Variants in NTRK3 observed in about 807,000 individuals in gnomAD.
NTRK3 encodes neurotrophic receptor tyrosine kinase 3.
Under a neutral mutation model 91.7 loss-of-function variants are expected in NTRK3, and 24 were observed. That is an observed-to-expected ratio of 0.26 (90% CI 0.19 to 0.37). The LOEUF is 0.37. Ranked by LOEUF, NTRK3 falls within the 10% of genes least tolerant of loss-of-function variation. The probability of loss-of-function intolerance (pLI) is 1.00; values close to 1 mark genes in which losing one functional copy is unlikely to be tolerated. For synonymous variants in NTRK3, 483 were observed against 404.0 expected, an observed-to-expected ratio of 1.20 and a Z score of -2.34; for missense variants, 880 against 1,068.9, an observed-to-expected ratio of 0.82 and a Z score of 2.46.
chr15:87,901,579 G>A (rs1019812081), intron 17 of NTRK3, among the ~76,000 whole-genome samples: 1 of 152,244 alleles, frequency 6.6e-6, no homozygotes, highest in Non-Finnish European at 1.5e-5. Context: ...GTTGGGCTAA[G>A]TTCTTGTCCC....
At chr15:87,960,201 A>G (rs1315857319) in intron 14 of NTRK3, among the ~76,000 whole-genome samples, 1 of 152,182 alleles carries the variant, frequency 6.6e-6, no homozygotes, top group African/African-American at 2.4e-5. Flanking sequence ...CAGAGCACAA[A>G]TCTCCCAGTA....
At chr15:87,890,057 G>T (rs902729515) in intron 17 of NTRK3, among the ~76,000 whole-genome samples, 3 of 151,594 alleles carry the variant, frequency 2.0e-5, no homozygotes, top group African/African-American at 7.3e-5. Flanking sequence ...ATCCCCATGG[G>T]TTATTTCACC....
At chr15:88,110,582 A>C (rs938297634) in intron 13 of NTRK3, among the ~76,000 whole-genome samples, 6 of 152,216 alleles carry the variant, frequency 3.9e-5, no homozygotes, top group African/African-American at 1.4e-4. Flanking sequence ...GTCTGCTGAC[A>C]TGAGTGGTAC....
intron 13 of NTRK3, among the ~76,000 whole-genome samples, chr15:88,089,162 T>C (rs1053501682): frequency 5.3e-4 from 81 of 152,132 alleles, no homozygotes; most frequent in African/African-American, 1.9e-3. Context: ...GGGGAGAAGA[T>C]AGATCTCCAA....
At chr15:87,969,436 G>A (rs182966962) in intron 14 of NTRK3, among the ~76,000 whole-genome samples, 1 of 152,218 alleles carries the variant, frequency 6.6e-6, no homozygotes, top group Admixed American at 6.5e-5. Flanking sequence ...GCAATAATAA[G>A]AAGAATAGAT....
chr15:88,232,734 G>C (rs1461356966), intron 3 of NTRK3, among the ~76,000 whole-genome samples: 1 of 152,208 alleles, frequency 6.6e-6, no homozygotes, highest in Non-Finnish European at 1.5e-5. Flanking sequence ...GATGTACCAA[G>C]AAAAGGCCCC....
At chr15:88,157,071 T>C (rs2043973737) in intron 5 of NTRK3, among the ~76,000 whole-genome samples, 1 of 152,028 alleles carries the variant, frequency 6.6e-6, no homozygotes, top group African/African-American at 2.4e-5. Context: ...CTCCTCCCAC[T>C]GCCCTCCTCC....
At chr15:88,183,564 G>C in intron 4 of NTRK3, 75 bp from the exon 5 acceptor site, 2 of 1,394,746 alleles carry the variant, frequency 1.4e-6, no homozygotes, top group Admixed American at 3.4e-5. Context: ...AGGCTGGCAG[G>C]GGGTGAGGCT....
At chr15:87,892,836 T>C (rs2065917948) in intron 17 of NTRK3, among the ~76,000 whole-genome samples, 1 of 152,162 alleles carries the variant, frequency 6.6e-6, no homozygotes, top group African/African-American at 2.4e-5. Flanking sequence ...GTAACTGCAA[T>C]GAAAATATAA....
At chr15:88,106,187 C>A (rs1228158125) in intron 13 of NTRK3, among the ~76,000 whole-genome samples, 1 of 152,216 alleles carries the variant, frequency 6.6e-6, no homozygotes, top group African/African-American at 2.4e-5. Flanking sequence ...CCCATAATTG[C>A]TAATGGATGC....
At chr15:87,984,758 A>G (rs1314124844) in intron 14 of NTRK3, among the ~76,000 whole-genome samples, 1 of 152,192 alleles carries the variant, frequency 6.6e-6, no homozygotes, top group African/African-American at 2.4e-5. Context: ...GCTTCCCTTG[A>G]AAGTCCGAGA....
intron 14 of NTRK3, among the ~76,000 whole-genome samples, chr15:88,002,489 A>G (rs1380676669): frequency 2.0e-5 from 3 of 151,974 alleles, no homozygotes; most frequent in African/African-American, 4.8e-5. Flanking sequence ...CCCAATTAAT[A>G]TATCTAACTA....
intron 5 of NTRK3, among the ~76,000 whole-genome samples, chr15:88,165,471 C>T (rs1415135350): frequency 6.6e-6 from 1 of 152,142 alleles, no homozygotes; most frequent in African/African-American, 2.4e-5. Flanking sequence ...AATTAATTAA[C>T]TTGCTAATCA....
intron 13 of NTRK3, among the ~76,000 whole-genome samples, chr15:88,074,882 G>C (rs1195670924): frequency 1.3e-5 from 2 of 152,120 alleles, no homozygotes; most frequent in African/African-American, 4.8e-5. Context: ...TCTGTAAAAT[G>C]GGAATAAAAT....
At chr15:87,943,516 G>A (rs1368145823) in intron 14 of NTRK3, among the ~76,000 whole-genome samples, 1 of 152,060 alleles carries the variant, frequency 6.6e-6, no homozygotes, top group African/African-American at 2.4e-5. Context: ...ATTTTCCTGG[G>A]TCCCTAAGTA....
At chr15:87,936,970 C>T (rs1168418516) in intron 15 of NTRK3, among the ~76,000 whole-genome samples, 3 of 152,210 alleles carry the variant, frequency 2.0e-5, no homozygotes, top group Non-Finnish European at 4.4e-5. Context: ...GTCCTGTCCT[C>T]GCACACACTC....
exon 19 of NTRK3, chr15:87,873,425 C>A (rs1042016704): frequency 4.3e-6 from 1 of 230,812 alleles, no homozygotes; most frequent in Non-Finnish European, 8.6e-6. Flanking sequence ...GGCCACAACA[C>A]CCTACTCCAA....
At chr15:88,111,892 T>G (rs553726973) in intron 13 of NTRK3, among the ~76,000 whole-genome samples, 14 of 35,318 alleles carry the variant, frequency 4.0e-4, no homozygotes, top group East Asian at 2.2e-3. Context: ...TGGTTTCTGG[T>G]TTTTTTTTTG....
At chr15:88,090,887 T>C (rs1243606383) in intron 13 of NTRK3, among the ~76,000 whole-genome samples, 1 of 152,194 alleles carries the variant, frequency 6.6e-6, no homozygotes, top group Non-Finnish European at 1.5e-5. Context: ...ACAACTTGGA[T>C]GCAGCCCTCT....
Sources: allele counts gnomAD v4.1 joint callset (sites outside exome capture counted in the v4.1 genomes callset), GRCh38; gene constraint gnomAD v4.1.1; transcripts MANE v1.5; gene names NCBI Gene and HGNC (gene_info 2026-07-23, HGNC 2026-07-21).